MYOF: variants seen among roughly 807,000 people sequenced by gnomAD.
MYOF encodes the protein fer-1-like 3, myoferlin.
MYOF carries 244 observed loss-of-function variants against 284.2 expected under a neutral mutation model. That is an observed-to-expected ratio of 0.86 (90% CI 0.77 to 0.95). The LOEUF is 0.95. Ranked by LOEUF, MYOF falls within the 40% of genes least tolerant of loss-of-function variation. The pLI is 0.00. For synonymous variants in MYOF, 904 were observed against 919.7 expected (o/e 0.98, Z 0.31); for missense variants, 2,496 against 2,560.6 (o/e 0.97, Z 0.54).
chr10:93,414,922 T>G (rs1317841830), intron 5 of MYOF, among the ~76,000 whole-genome samples: 2 of 152,102 alleles, frequency 1.3e-5, no homozygotes, highest in African/African-American at 4.8e-5. Flanking sequence ...TTTTGTATTT[T>G]TAGTAGAGAC....
chr10:93,395,797 A>G (rs1310757916), intron 16 of MYOF, among the ~76,000 whole-genome samples: 1 of 151,862 alleles, frequency 6.6e-6, no homozygotes, highest in Admixed American at 6.6e-5. Context: ...ATAAGGTGCT[A>G]GCTCTCTGTA....
intron 53 of MYOF, among the ~76,000 whole-genome samples, chr10:93,309,144 G>A (rs752599909): frequency 1.1e-4 from 17 of 152,104 alleles, no homozygotes; most frequent in Non-Finnish European, 1.6e-4. Context: ...AAACTTGAAT[G>A]TCCCCTCCTT....
intron 36 of MYOF, 130 bp downstream of exon 36, chr10:93,349,678 C>G: frequency 9.2e-7 from 1 of 1,084,728 alleles, no homozygotes; most frequent in Non-Finnish European, 1.3e-6. Flanking sequence ...CACTGACAAG[C>G]TGAATATAAG....
intron 28 of MYOF, among the ~76,000 whole-genome samples, chr10:93,360,781 G>A (rs1250576431): frequency 2.0e-5 from 3 of 151,956 alleles, no homozygotes; most frequent in Non-Finnish European, 4.4e-5. Flanking sequence ...TTCTGCGTCA[G>A]GGGGGCCCTG....
rs571453331 is a variant in MYOF at position 93,403,031 on chromosome 10, C to T, written c.844-141G>A. 11 of 698,218 alleles carry T rather than the reference C, an allele frequency of 1.6e-5. No homozygotes were observed. In the South Asian group the frequency reaches 1.9e-4, roughly 12 times the overall value. The allele number at this position is 698,218 out of a possible 1,614,324, so 43.3% of individuals were successfully genotyped here. A position where few individuals can be genotyped will look rare whatever the true frequency, so the allele number is the denominator to read the frequency against. The stretch of plus-strand genomic sequence containing the variant: ...AGACCCAACATTTCCGTCTTATCCT[C>T]TCTGTATCCCCAGTGCCTTGTCTGA... On this transcript the variant is annotated intron_variant, in intron 9 of 53. Transcript: ENST00000359263.
intron 19 of MYOF, among the ~76,000 whole-genome samples, chr10:93,382,099 A>G (rs1408325776): frequency 6.6e-6 from 1 of 152,202 alleles, no homozygotes; most frequent in Non-Finnish European, 1.5e-5. Flanking sequence ...ATAAAGGCAT[A>G]TTCATAAAGA....
At chr10:93,392,132 T>C (rs998051383) in intron 17 of MYOF, among the ~76,000 whole-genome samples, 1 of 152,224 alleles carries the variant, frequency 6.6e-6, no homozygotes. Flanking sequence ...CTGATTATAA[T>C]GAAATAGATT....
chr10:93,397,834 C>G (rs971733557), intron 13 of MYOF, among the ~76,000 whole-genome samples: 5 of 151,990 alleles, frequency 3.3e-5, no homozygotes, highest in African/African-American at 1.2e-4. Context: ...CCCTCTACCC[C>G]AAACTGACTC....
chr10:93,342,518 A>G lies in MYOF; in HGVS notation c.4326+1338T>C, dbSNP rs115147546. Among the ~76,000 whole-genome samples, 296 of 152,318 alleles carry G rather than the reference A, an allele frequency of 1.9e-3. 1 individual carries two copies. The highest frequency in any genetic ancestry group is 6.9e-3 in the African/African-American group (287 of 41,578). On this transcript the variant is annotated intron_variant, in intron 38 of 53. Coordinates refer to ENST00000359263, the MANE Select transcript of MYOF (RefSeq NM_013451.4). ...GGAATGACTGATACTACCATCACCA[A>G]TCCTGCTATGTTGCAATGTTTAACT...
intron 22 of MYOF, among the ~76,000 whole-genome samples, 175 bp from the exon 23 acceptor site, chr10:93,375,130 C>T (rs1015290413): frequency 1.3e-5 from 2 of 152,148 alleles, no homozygotes; most frequent in Non-Finnish European, 2.9e-5. Context: ...CTGGCATTGC[C>T]AGAGCAGACC....
chr10:93,393,173 C>G (rs1254578545), intron 16 of MYOF, among the ~76,000 whole-genome samples: 1 of 152,188 alleles, frequency 6.6e-6, no homozygotes, highest in African/African-American at 2.4e-5. Context: ...ACATGAATAA[C>G]TCAATCTCAC....
At position 93,397,395 on chromosome 10, in the gene MYOF, T is replaced by G. The variant is rs1847071506; in HGVS notation, c.1283A>C (p.Gln428Pro). 1 of 1,611,794 alleles carries G rather than the reference T, an allele frequency of 6.2e-7. No homozygotes were observed. The highest frequency in any genetic ancestry group is 1.7e-5 in the Admixed American group (1 of 59,650). ...NPEWNQVVNL[Q>P]IKFPSVCEKI... Reference sequence around the variant, plus strand: ...AAGAAAATAAAGTCAAACCTTGATCTGAAGATTGACGACCTGATTCCACTC... The same window carrying G: ...AAGAAAATAAAGTCAAACCTTGATCGGAAGATTGACGACCTGATTCCACTC... Residue 428 changes from glutamine to proline, a missense_variant, in exon 14 of 54, where the codon CAG (glutamine) becomes CCG (proline). Around this residue, in one of 3 missense-constraint regions of MYOF, gnomAD observed 2,436 missense variants for 2,480.7 expected, o/e 0.98. Transcript: ENST00000359263.
At chr10:93,453,965 C>A (rs1452742882) in intron 2 of MYOF, among the ~76,000 whole-genome samples, 3 of 152,048 alleles carry the variant, frequency 2.0e-5, no homozygotes, top group Admixed American at 6.5e-5. Context: ...GATGGATCAC[C>A]TGAGGTCAGG....
chr10:93,344,072 A>G, intron 37 of MYOF, 140 bp from the exon 38 acceptor site: 1 of 783,938 alleles, frequency 1.3e-6, no homozygotes, highest in East Asian at 2.7e-5. Context: ...AGAGAGGACA[A>G]CTCCTGAATG....
Position 93,333,293 on chromosome 10 carries a change from A to G in MYOF, c.4739T>C (p.Ile1580Thr), listed in dbSNP as rs1203194832. Residue 1580 changes from isoleucine to threonine, a missense_variant, in exon 43 of 54, where the codon ATA becomes ACA. Transcript: ENST00000359263. ...TTCAATGACTTTTTTGCCCAGTGTTATTTTTATGTAAGGGTCACACTGTGG... is the reference window on the plus strand; with the variant it reads ...TTCAATGACTTTTTTGCCCAGTGTTGTTTTTATGTAAGGGTCACACTGTGG... Reference protein sequence around the residue: ...NNGLCDPYIKITLGKKVIEDR... With the variant: ...NNGLCDPYIKTTLGKKVIEDR... The G allele has an allele frequency of 6.2e-7, 1 of 1,613,900 alleles. No individual in the cohort carries two copies. The highest frequency in any genetic ancestry group is 2.2e-5 in the East Asian group (1 of 44,886).
chr10:93,477,456 C>T (rs977140441), intron 1 of MYOF, among the ~76,000 whole-genome samples: 5 of 151,746 alleles, frequency 3.3e-5, no homozygotes, highest in South Asian at 2.1e-4. Flanking sequence ...TATGCCACTG[C>T]ACTCCAGCCT....
intron 21 of MYOF, 50 bp downstream of exon 21, chr10:93,379,813 C>T (rs773120933): frequency 1.6e-5 from 25 of 1,607,256 alleles, no homozygotes; most frequent in African/African-American, 2.7e-5. Flanking sequence ...ATCCTAATAC[C>T]TAATTCACCC....
At chr10:93,360,659 T>C (rs774038101) in intron 28 of MYOF, among the ~76,000 whole-genome samples, 5 of 152,254 alleles carry the variant, frequency 3.3e-5, no homozygotes, top group Non-Finnish European at 5.9e-5. Context: ...CCAAATGCTA[T>C]TGTTCACTTA....
At chr10:93,339,394 A>T (rs78120835) in intron 39 of MYOF, among the ~76,000 whole-genome samples, 1 of 107,112 alleles carries the variant, frequency 9.3e-6, no homozygotes. Flanking sequence ...TGTGTGTGTG[A>T]ATGCGTGTGT....
Sources: gnomAD v4.1 joint callset for allele counts (sites outside exome capture counted in the v4.1 genomes callset) on GRCh38, gnomAD v4.1.1 for gene constraint, gnomAD v4.1.1 regional missense constraint, MANE v1.5 for transcripts, NCBI Gene and HGNC (gene_info 2026-07-23, HGNC 2026-07-21) for gene names.